Variants in CACNA1D observed in about 807,000 individuals in gnomAD.
The protein encoded by CACNA1D is voltage-dependent L-type calcium channel subunit alpha-1D.
In CACNA1D, 55 loss-of-function variants were observed where a neutral mutation model predicts 257.1. That is an observed-to-expected ratio of 0.21 (90% CI 0.17 to 0.27). The LOEUF is 0.27. Among genes scored for constraint, CACNA1D ranks in the 10% least tolerant of loss-of-function variants. The pLI is 1.00. For missense variants in CACNA1D, 1,876 were observed against 2,784.0 expected (o/e 0.67, Z 7.34); for synonymous variants, 980 against 1,014.9 (o/e 0.97, Z 0.65).
At chr3:53,557,134 G>A (rs887502998) in intron 3 of CACNA1D, among the ~76,000 whole-genome samples, 5 of 151,964 alleles carry the variant, frequency 3.3e-5, no homozygotes, top group Non-Finnish European at 5.9e-5. Context: ...AGAAATCTTC[G>A]CCCAACTACA....
At chr3:53,577,452 A>G (rs965760220) in intron 3 of CACNA1D, among the ~76,000 whole-genome samples, 8 of 152,202 alleles carry the variant, frequency 5.3e-5, no homozygotes, top group Non-Finnish European at 1.0e-4. Context: ...GTGGCAACCC[A>G]GCCAAAAGAG....
Position 53,810,783 on chromosome 3 carries a change from AAAAC to A in CACNA1D, c.6193-326_6193-323del, listed in dbSNP as rs1310674422. 2.4e-4 allele frequency among the ~76,000 whole-genome samples: 35 copies of A among 146,264 alleles called. 3 individuals carry two copies. The highest frequency in any genetic ancestry group is 8.0e-4 in the African/African-American group (30 of 37,468). On this transcript the variant is annotated intron_variant, in intron 47 of 47. Coordinates refer to ENST00000350061, the MANE Select transcript of CACNA1D (RefSeq NM_001128840.3). ...CAAAAAAAAAAAAAAAAAAAAAAAA[AAAAC>A]AAAAACTGGTCACCACCGTCAATTC...
chr3:53,617,639 C>T (rs977517045), intron 3 of CACNA1D, among the ~76,000 whole-genome samples: 7 of 152,182 alleles, frequency 4.6e-5, no homozygotes, highest in Non-Finnish European at 7.4e-5. Context: ...GGAGCATGGG[C>T]GACTTAGTTC....
chr3:53,663,440 T>C (rs2094225903), intron 5 of CACNA1D, among the ~76,000 whole-genome samples: 1 of 152,154 alleles, frequency 6.6e-6, no homozygotes, highest in African/African-American at 2.4e-5. Flanking sequence ...GGATGGGGGA[T>C]GCCAATGCAA....
chr3:53,508,745 C>T (rs953214933), intron 3 of CACNA1D, among the ~76,000 whole-genome samples: 2 of 152,150 alleles, frequency 1.3e-5, no homozygotes, highest in South Asian at 2.1e-4. Flanking sequence ...TACAGGGTGA[C>T]AGCATGCCCA....
chr3:53,555,304 AC>A (rs1344059605), intron 3 of CACNA1D, among the ~76,000 whole-genome samples: 1 of 152,124 alleles, frequency 6.6e-6, no homozygotes, highest in African/African-American at 2.4e-5. Context: ...GAGCATTTGA[AC>A]AAGGCTCTCA....
intron 21 of CACNA1D, among the ~76,000 whole-genome samples, chr3:53,742,486 T>C (rs2095127444): frequency 6.6e-6 from 1 of 152,154 alleles, no homozygotes; most frequent in Non-Finnish European, 1.5e-5. Context: ...GAGGAATTGC[T>C]TAAGATGGAT....
Position 53,751,681 on chromosome 3 carries a change from A to AT in CACNA1D, c.3517-67dup. 1 of 1,538,286 alleles carries AT rather than the reference A, an allele frequency of 6.5e-7. No homozygotes were observed. The highest frequency in any genetic ancestry group is 9.0e-7 in the Non-Finnish European group (1 of 1,111,838). ...TGTAGGGTGAGCTCTTTCAGAGCAG[A>AT]TGACCACGGGGTCCTCCTTCCCTGC... is the stretch of plus-strand genomic sequence containing the variant. On this transcript the variant is annotated intron_variant, in intron 27 of 47. Coordinates refer to ENST00000350061, the MANE Select transcript of CACNA1D (RefSeq NM_001128840.3). The surrounding 1 kb of genome is among the most constrained non-coding windows in gnomAD (Gnocchi z 4.3).
At chr3:53,752,340 C>T (rs539060887) in intron 28 of CACNA1D, among the ~76,000 whole-genome samples, 126 of 152,162 alleles carry the variant, frequency 8.3e-4, no homozygotes, top group Non-Finnish European at 1.6e-3. Context: ...AAATCTGTCA[C>T]ACCTACGTTA....
rs146894033 is a variant in CACNA1D, at chr3:53,768,147, C to T, written c.3871-1826C>T. Among the ~76,000 whole-genome samples the T allele has an allele frequency of 1.6e-3, 248 of 152,306 alleles. 2 individuals carry two copies. The highest frequency in any genetic ancestry group is 5.7e-3 in the African/African-American group (239 of 41,568). On this transcript the variant is annotated intron_variant, in intron 30 of 47. Coordinates refer to ENST00000350061, the MANE Select transcript of CACNA1D (RefSeq NM_001128840.3). ...CTCTAAGGAAGGGGGCCGTGGATGG[C>T]GTATCAGACTTGAAGCAGAATAGGG...
chr3:53,612,997 C>G (rs2093599395), intron 3 of CACNA1D, among the ~76,000 whole-genome samples: 1 of 152,068 alleles, frequency 6.6e-6, no homozygotes, highest in Non-Finnish European at 1.5e-5. Flanking sequence ...CATTTATAAA[C>G]AGGCCGAAAA....
Position 53,673,440 on chromosome 3 carries a change from G to A in CACNA1D, c.1220+314G>A, listed in dbSNP as rs575838754. On this transcript the variant is annotated intron_variant, in intron 8 of 47. Coordinates refer to ENST00000350061, the MANE Select transcript of CACNA1D (RefSeq NM_001128840.3). This position sits in a 1 kb window ranked among gnomAD's most constrained non-coding sequence, Gnocchi z 4.1. The stretch of plus-strand genomic sequence containing the variant: ...AGATACATTTATAATTGCTTTATTT[G>A]TCTGGATCCAAATATAATGCAGATT... 6.6e-6 allele frequency among the ~76,000 whole-genome samples: 1 copy of A among 151,848 alleles called. No homozygotes were observed. The highest frequency in any genetic ancestry group is 2.1e-4 in the South Asian group (1 of 4,810).
chr3:53,743,936 AC>A (rs1324469974), intron 22 of CACNA1D, among the ~76,000 whole-genome samples: 2 of 152,084 alleles, frequency 1.3e-5, no homozygotes, highest in Non-Finnish European at 2.9e-5. Context: ...CACTGAGGGA[AC>A]CCTGTGATCA....
intron 14 of CACNA1D, 145 bp downstream of exon 14, chr3:53,724,144 C>G: frequency 1.4e-6 from 1 of 730,784 alleles, no homozygotes; most frequent in Non-Finnish European, 2.4e-6. Flanking sequence ...AAATTTTGTG[C>G]CATTTAAGTT....
rs183966780 is a variant in CACNA1D, at chr3:53,551,538, G to A, written c.483+49818G>A. Among the ~76,000 whole-genome samples the A allele has an allele frequency of 1.9e-3, 288 of 152,302 alleles. 2 individuals are homozygous for A. Among genetic ancestry groups the A allele is most frequent in the Non-Finnish European group, 1.7e-3 (118 of 68,022 alleles). ...GAGTCACCAGCTCACACATCTACAT[G>A]CCTGTAAATGAACTATGAGGTATCG... On this transcript the variant is annotated intron_variant, in intron 3 of 47. Transcript: ENST00000350061.
At chr3:53,729,731 C>T (rs1419069507) in intron 15 of CACNA1D, among the ~76,000 whole-genome samples, 2 of 152,130 alleles carry the variant, frequency 1.3e-5, no homozygotes, top group Non-Finnish European at 2.9e-5. Flanking sequence ...TGCAATGAGC[C>T]TCGGGAAGCA....
At chr3:53,612,239 T>C (rs565979139) in intron 3 of CACNA1D, among the ~76,000 whole-genome samples, 1 of 152,386 alleles carries the variant, frequency 6.6e-6, no homozygotes, top group East Asian at 1.9e-4. Flanking sequence ...TTTTCCTTTT[T>C]CATGACAATT....
Position 53,751,013 on chromosome 3 carries a change from C to T in CACNA1D, c.3517-736C>T, listed in dbSNP as rs2095220895. ...CTCCAGCTGGGCCCTAAACTGCGTC[C>T]AATCAATCCAGCTGTCGCTACAGTG... On this transcript the variant is annotated intron_variant, in intron 27 of 47. Coordinates refer to ENST00000350061, the MANE Select transcript of CACNA1D (RefSeq NM_001128840.3). This position sits in a 1 kb window ranked among gnomAD's most constrained non-coding sequence, Gnocchi z 4.3. Among the ~76,000 whole-genome samples the T allele has an allele frequency of 6.6e-6, 1 of 151,094 alleles. No homozygotes were observed. The highest frequency in any genetic ancestry group is 6.6e-5 in the Admixed American group (1 of 15,252).
intron 30 of CACNA1D, among the ~76,000 whole-genome samples, chr3:53,768,118 C>G (rs1249130768): frequency 6.6e-6 from 1 of 152,202 alleles, no homozygotes; most frequent in Non-Finnish European, 1.5e-5. Flanking sequence ...CTGACTTTCA[C>G]AAACTCTAAG....
Sources: allele counts gnomAD v4.1 joint callset (sites outside exome capture counted in the v4.1 genomes callset), GRCh38; gene constraint gnomAD v4.1.1; non-coding constraint Gnocchi (gnomAD v3.1); transcripts MANE v1.5; gene names NCBI Gene and HGNC (gene_info 2026-07-23, HGNC 2026-07-21).